Variants in KIF1C observed in about 807,000 individuals in gnomAD.
The protein encoded by KIF1C is kinesin-like protein KIF1C.
In KIF1C, 61 loss-of-function variants were observed where a neutral mutation model predicts 126.5. The ratio of observed to expected loss-of-function variants is 0.48; its 90% CI spans 0.39 to 0.60. KIF1C has a LOEUF of 0.60. Among genes scored for constraint, KIF1C ranks in the 20% least tolerant of loss-of-function variants. The pLI is 0.00. For missense variants in KIF1C, 1,315 were observed against 1,489.2 expected (o/e 0.88, Z 1.93); for synonymous variants, 640 against 580.6 (o/e 1.10, Z -1.47).
In KIF1C at chr17:5,023,697, A is replaced by G; in HGVS notation, c.2858A>G (p.Gln953Arg). 1 of 1,590,630 alleles carries G rather than the reference A, an allele frequency of 6.3e-7. No individual in the cohort carries two copies. Among genetic ancestry groups the G allele is most frequent in the Non-Finnish European group, 8.6e-7 (1 of 1,167,506 alleles). The change falls in exon 23 of 23, where the codon CAG becomes CGG. Residue 953 changes from glutamine to arginine, a missense_variant. By Grantham distance (43) the Gln-to-Arg change is conservative. Transcript: ENST00000320785. This position sits in a 1 kb window ranked among gnomAD's most constrained non-coding sequence, Gnocchi z 4.2. The stretch of plus-strand genomic sequence containing the variant: ...GAGCAGCTACGGCTGCAGGGACTGC[A>G]GGGCTCTGGGGGCCGGGGCGGGGGG... Reference protein sequence around the residue: ...KQEQLRLQGLQGSGGRGGGLR... With the variant: ...KQEQLRLQGLRGSGGRGGGLR...
chr17:5,023,066 G>A lies in KIF1C; in HGVS notation c.2628+357G>A, dbSNP rs1975127349. Among the ~76,000 whole-genome samples, 1 of 152,224 alleles carries A rather than the reference G, an allele frequency of 6.6e-6. No homozygotes were observed. The highest frequency in any genetic ancestry group is 6.5e-5 in the Admixed American group (1 of 15,284). Reference sequence around the variant, plus strand: ...AGTCTTGCTCTGTTGCCAGTCTGGAGTGCAGTGGCACAATCTCGGCTCACT... The same window carrying A: ...AGTCTTGCTCTGTTGCCAGTCTGGAATGCAGTGGCACAATCTCGGCTCACT... On this transcript the variant is annotated intron_variant, in intron 22 of 22. Transcript: ENST00000320785. This position sits in a 1 kb window ranked among gnomAD's most constrained non-coding sequence, Gnocchi z 4.2.
chr17:5,007,815 A>G (rs1974771047), intron 16 of KIF1C, among the ~76,000 whole-genome samples: 1 of 152,186 alleles, frequency 6.6e-6, no homozygotes, highest in South Asian at 2.1e-4. Context: ...CTTTTGTATC[A>G]TTTGAGTTTT....
chr17:5,020,787 C>T lies in KIF1C; in HGVS notation c.1938-19C>T. On this transcript the variant is annotated intron_variant, in intron 20 of 22. Coordinates refer to ENST00000320785, the MANE Select transcript of KIF1C (RefSeq NM_006612.6). This position sits in a 1 kb window ranked among gnomAD's most constrained non-coding sequence, Gnocchi z 5.8. The stretch of plus-strand genomic sequence containing the variant: ...TACTCACCAAGGTTGCTCTTCCTTC[C>T]CTCCCTGTCCAATCCCAGGCTGCAG... The T allele has an allele frequency of 2.5e-6, 4 of 1,596,518 alleles. No homozygotes were observed. The highest frequency in any genetic ancestry group is 3.4e-6 in the Non-Finnish European group (4 of 1,171,160).
chr17:5,014,896 A>G, intron 18 of KIF1C, 59 bp downstream of exon 18: 1 of 1,370,034 alleles, frequency 7.3e-7, no homozygotes, highest in African/African-American at 1.4e-5. Flanking sequence ...GTTCCACCCC[A>G]CACACTGAAC....
At position 5,024,022 on chromosome 17, in the gene KIF1C, TC is replaced by T; in HGVS notation, c.3187del (p.Gln1063SerfsTer25). ...HFQPKKHNSYPQPPQPYPAQR... is the reference protein window; with the variant it reads ...HFQPKKHNSYXQPPQPYPAQR... ...TCCAGCCCAAAAAGCACAACTCTTA[TC>T]CCCAGCCACCCCAACCCTACCCAGC... On this transcript the variant is annotated frameshift_variant, in exon 23 of 23. Coordinates refer to ENST00000320785, the MANE Select transcript of KIF1C (RefSeq NM_006612.6). LOFTEE classifies it high-confidence loss of function. The T allele has an allele frequency of 1.3e-6, 2 of 1,592,578 alleles. No individual in the cohort carries two copies. Among genetic ancestry groups the T allele is most frequent in the Non-Finnish European group, 1.7e-6 (2 of 1,169,002 alleles).
chr17:5,004,187 C>A (rs771570807), intron 11 of KIF1C, 114 bp downstream of exon 11: 7 of 821,538 alleles, frequency 8.5e-6, no homozygotes, highest in Non-Finnish European at 1.5e-5. Context: ...TGTCTTACTT[C>A]TCCCCCTGAC....
intron 18 of KIF1C, among the ~76,000 whole-genome samples, chr17:5,017,293 CTTT>C (rs34140025): frequency 7.6e-4 from 65 of 85,200 alleles, no homozygotes; most frequent in African/African-American, 2.4e-3. Context: ...GGCCTTGGTT[CTTT>C]TTTTTTTTTT....
chr17:5,010,264 G>A lies in KIF1C; in HGVS notation c.1491+2722G>A, dbSNP rs75857458. 7.5e-3 allele frequency among the ~76,000 whole-genome samples: 1,139 copies of A among 152,082 alleles called. 9 individuals are homozygous for A. The highest frequency in any genetic ancestry group is 0.026 in the African/African-American group (1,063 of 41,472). On this transcript the variant is annotated intron_variant, in intron 16 of 22. Transcript: ENST00000320785. ...TTAAAGCTTCCTTTATTTTTTTCACGGTGTCAGGGTATTCTATTGTGTAGA... is the reference window on the plus strand; with the variant it reads ...TTAAAGCTTCCTTTATTTTTTTCACAGTGTCAGGGTATTCTATTGTGTAGA...
At chr17:4,998,882 T>C (rs1169905323) in intron 1 of KIF1C, 1 of 152,446 alleles carries the variant, frequency 6.6e-6, no homozygotes, top group Non-Finnish European at 1.5e-5. Flanking sequence ...CCTCCCAGGG[T>C]GTGGGCACCC....
intron 16 of KIF1C, 85 bp downstream of exon 16, chr17:5,007,627 T>C: frequency 8.9e-7 from 1 of 1,127,616 alleles, no homozygotes; most frequent in Middle Eastern, 2.8e-4. Context: ...GTGAGTGCTG[T>C]CCCTGATCGC....
rs764527829 is a variant in KIF1C, at chr17:5,023,681, C to T, written c.2842C>T (p.Arg948Trp). ...RLRWLKQEQL[R>W]LQGLQGSGGR... ...TCGCTGGCTCAAGCAGGAGCAGCTA[C>T]GGCTGCAGGGACTGCAGGGCTCTGG... The change falls in exon 23 of 23, where the codon CGG becomes TGG. Residue 948 changes from arginine (R) to tryptophan (W), a missense_variant. Physicochemically the swap from Arg to Trp is moderately radical, Grantham distance 101. This residue lies in a region of KIF1C where 441 missense variants were observed against 436.1 expected (regional missense o/e 1.01). Coordinates refer to ENST00000320785, the MANE Select transcript of KIF1C (RefSeq NM_006612.6). This position sits in a 1 kb window ranked among gnomAD's most constrained non-coding sequence, Gnocchi z 4.2. The T allele has an allele frequency of 5.7e-5, 91 of 1,604,450 alleles. No homozygotes were observed. Among genetic ancestry groups the T allele is most frequent in the Non-Finnish European group, 7.2e-5 (84 of 1,174,706 alleles).
intron 3 of KIF1C, 136 bp from the exon 4 acceptor site, chr17:5,000,636 A>G: frequency 2.4e-6 from 2 of 817,298 alleles, no homozygotes; most frequent in Non-Finnish European, 4.0e-6. Flanking sequence ...GGGGTGGGGA[A>G]TGTTAAAGGG....
At position 5,026,395 on chromosome 17, in the gene KIF1C, GAC is replaced by G. The variant is rs1215802878; in HGVS notation, c.*2245_*2246del. The G allele has an allele frequency of 6.6e-6, 1 of 152,136 alleles. No individual in the cohort carries two copies. Among genetic ancestry groups the G allele is most frequent in the Non-Finnish European group, 1.5e-5 (1 of 68,040 alleles). The allele number at this position is 152,136 out of a possible 1,614,324, so 9.4% of individuals were successfully genotyped here. The stretch of plus-strand genomic sequence containing the variant: ...AGAAAAATAGCTTGCTAATTTAAAA[GAC>G]GGATTATTTTTCCCTAAAGACCTTG... On this transcript the variant is annotated 3_prime_UTR_variant, in exon 23 of 23. Transcript: ENST00000320785.
At position 5,020,743 on chromosome 17, in the gene KIF1C, G is replaced by T; in HGVS notation, c.1938-63G>T. 1.9e-6 allele frequency: 3 copies of T among 1,605,946 alleles called. No homozygotes were observed. Among genetic ancestry groups the T allele is most frequent in the Non-Finnish European group, 2.6e-6 (3 of 1,175,524 alleles). On this transcript the variant is annotated intron_variant, in intron 20 of 22. Transcript: ENST00000320785. This position sits in a 1 kb window ranked among gnomAD's most constrained non-coding sequence, Gnocchi z 5.8. Reference sequence around the variant, plus strand: ...CCGTCCCTCCCGGGCCTCTGGGCCCGTGTCCTCCTCTTGTCAGATACTCAC... The same window carrying T: ...CCGTCCCTCCCGGGCCTCTGGGCCCTTGTCCTCCTCTTGTCAGATACTCAC...
chr17:5,017,453 A>G (rs531239799), intron 18 of KIF1C, among the ~76,000 whole-genome samples: 3 of 151,196 alleles, frequency 2.0e-5, no homozygotes, highest in Admixed American at 6.6e-5. Flanking sequence ...GCGCCCCCCC[A>G]CCACCACACC....
At chr17:5,016,205 T>C (rs1974968915) in intron 18 of KIF1C, among the ~76,000 whole-genome samples, 1 of 151,476 alleles carries the variant, frequency 6.6e-6, no homozygotes, top group African/African-American at 2.4e-5. Flanking sequence ...TGGTGCGATC[T>C]CGACTCACTG....
Position 5,000,223 on chromosome 17 carries a change from A to C in KIF1C, c.-24A>C. The stretch of plus-strand genomic sequence containing the variant: ...CACTCCTTTCTCTGTCCTCCAGCTG[A>C]GGAGGGCAGGAGTGTCTGGAGCTAT... On this transcript the variant is annotated 5_prime_UTR_variant, in exon 3 of 23. The change abolishes the stop of an existing upstream ORF in the 5' untranslated region. Coordinates refer to ENST00000320785, the MANE Select transcript of KIF1C (RefSeq NM_006612.6). 6.6e-7 allele frequency: 1 copy of C among 1,510,226 alleles called. No homozygotes were observed. The highest frequency in any genetic ancestry group is 9.0e-7 in the Non-Finnish European group (1 of 1,107,738). 93.6% of individuals were successfully genotyped at this position (1,510,226 alleles called of 1,614,324 possible). A position where few individuals can be genotyped will look rare whatever the true frequency, so the allele number is the denominator to read the frequency against.
At chr17:5,012,042 C>A (rs964708325) in intron 16 of KIF1C, 2 of 152,210 alleles carry the variant, frequency 1.3e-5, no homozygotes, top group Non-Finnish European at 2.9e-5. Flanking sequence ...AATGAATAAA[C>A]GAACTTAAAC....
rs1597845594 is a variant in KIF1C at position 5,004,615 on chromosome 17, T to G, written c.989T>G (p.Ile330Ser). The G allele has an allele frequency of 1.2e-6, 2 of 1,614,116 alleles. No homozygotes were observed. The highest frequency in any genetic ancestry group is 4.5e-5 in the East Asian group (2 of 44,882). ...ATTGCAGCCCTGAGCCCTGCTGACATCAATTACGAGGAGACTCTCAGCACC... is the reference window on the plus strand; with the variant it reads ...ATTGCAGCCCTGAGCCCTGCTGACAGCAATTACGAGGAGACTCTCAGCACC... ...AMIAALSPAD[I>S]NYEETLSTLR... The change falls in exon 12 of 23, where the codon ATC becomes AGC. Residue 330 changes from isoleucine (I) to serine (S), a missense_variant. Transcript: ENST00000320785.
Sources: allele counts gnomAD v4.1 joint callset (sites outside exome capture counted in the v4.1 genomes callset), GRCh38; gene constraint gnomAD v4.1.1; regional missense constraint gnomAD v4.1.1; non-coding constraint Gnocchi (gnomAD v3.1); transcripts MANE v1.5; gene names NCBI Gene and HGNC (gene_info 2026-07-23, HGNC 2026-07-21).